Variants in CDH12 observed in about 807,000 individuals in gnomAD.
CDH12 encodes cadherin-12.
CDH12 carries 41 observed loss-of-function variants against 74.1 expected under a neutral mutation model. That is an observed-to-expected ratio of 0.55 (90% CI 0.43 to 0.72). The LOEUF (loss-of-function observed/expected upper bound fraction) is 0.72, where lower values mean the gene tolerates loss of function less well. Among genes scored for constraint, CDH12 ranks in the 30% least tolerant of loss-of-function variants. The probability of loss-of-function intolerance (pLI) is 0.00; values close to 1 mark genes in which losing one functional copy is unlikely to be tolerated. For synonymous variants in CDH12, 399 were observed against 355.0 expected (o/e 1.12, Z -1.39); for missense variants, 945 against 977.2 (o/e 0.97, Z 0.44).
At chr5:22,111,406 G>T (rs1404894642) in intron 4 of CDH12, among the ~76,000 whole-genome samples, 1 of 152,150 alleles carries the variant, frequency 6.6e-6, no homozygotes, top group East Asian at 1.9e-4. Context: ...TTTTCCCTGA[G>T]ACCAACCCTT....
intron 3 of CDH12, among the ~76,000 whole-genome samples, chr5:22,297,516 A>G (rs1036981660): frequency 2.6e-5 from 4 of 152,128 alleles, no homozygotes; most frequent in Non-Finnish European, 2.9e-5. Flanking sequence ...ACATGCATTT[A>G]TTTCACACTC....
intron 3 of CDH12, among the ~76,000 whole-genome samples, chr5:22,267,997 A>C (rs1308989555): frequency 1.3e-5 from 2 of 152,162 alleles, no homozygotes; most frequent in Non-Finnish European, 1.5e-5. Context: ...CTTACATAAG[A>C]TCAATTCAGC....
At chr5:22,265,311 AAC>A (rs1356625575) in intron 3 of CDH12, among the ~76,000 whole-genome samples, 1 of 152,306 alleles carries the variant, frequency 6.6e-6, no homozygotes, top group South Asian at 2.1e-4. Flanking sequence ...TTATAACACG[AAC>A]ACTTTCCCTT....
chr5:22,454,690 G>A (rs1387675703), intron 2 of CDH12, among the ~76,000 whole-genome samples: 1 of 152,122 alleles, frequency 6.6e-6, no homozygotes, highest in Non-Finnish European at 1.5e-5. Flanking sequence ...GGCCAGGCTA[G>A]TCTCGAACTC....
rs554186648 is a variant in CDH12 at position 22,423,887 on chromosome 5, C to A, written c.-427-18536G>T. On this transcript the variant is annotated intron_variant, in intron 2 of 14. Transcript: ENST00000382254. ...GCGTGTTGGCGGGCGCCTGTAGTCC[C>A]GGCTACTTGGGTGGCTGAGGCAGGA... Among the ~76,000 whole-genome samples the A allele has an allele frequency of 3.3e-5, 5 of 150,722 alleles. No homozygotes were observed. The South Asian group carries it at 1.1e-3, about 32-fold the overall frequency.
intron 2 of CDH12, among the ~76,000 whole-genome samples, chr5:22,491,981 G>A (rs1245611467): frequency 6.6e-6 from 1 of 152,032 alleles, no homozygotes; most frequent in East Asian, 1.9e-4. Context: ...TCACTATAAC[G>A]ACCTCATTTT....
intron 6 of CDH12, among the ~76,000 whole-genome samples, chr5:21,888,597 A>T (rs929980910): frequency 1.6e-4 from 2 of 12,834 alleles, no homozygotes; most frequent in African/African-American, 2.6e-4. Flanking sequence ...TAATAATAAT[A>T]AAAAAAAGAA....
At chr5:22,213,951 G>A (rs953350684) in intron 3 of CDH12, among the ~76,000 whole-genome samples, 1 of 151,886 alleles carries the variant, frequency 6.6e-6, no homozygotes, top group Non-Finnish European at 1.5e-5. Context: ...GCTTGCGTGT[G>A]TGTGTGAGAA....
intron 6 of CDH12, among the ~76,000 whole-genome samples, chr5:21,913,017 A>G (rs1401680152): frequency 6.6e-6 from 1 of 152,040 alleles, no homozygotes; most frequent in African/African-American, 2.4e-5. Flanking sequence ...TAATTTTTGT[A>G]TTTTTAGTAG....
At chr5:21,995,162 C>T (rs1365141526) in intron 5 of CDH12, among the ~76,000 whole-genome samples, 1 of 152,016 alleles carries the variant, frequency 6.6e-6, no homozygotes, top group Non-Finnish European at 1.5e-5. Flanking sequence ...AGAACTGGAA[C>T]ACTCACCGCG....
chr5:22,058,711 AAG>A (rs762306661), intron 5 of CDH12, among the ~76,000 whole-genome samples: 1 of 148,362 alleles, frequency 6.7e-6, no homozygotes, highest in Non-Finnish European at 1.5e-5. Flanking sequence ...AAGAAAGAAA[AAG>A]AAAGAAAGAA....
chr5:22,099,635 C>T (rs1744020359), intron 4 of CDH12, among the ~76,000 whole-genome samples: 1 of 152,126 alleles, frequency 6.6e-6, no homozygotes, highest in African/African-American at 2.4e-5. Context: ...CTCATAAATG[C>T]CCTGCTCTTG....
At chr5:22,644,253 G>A (rs7726698) in intron 1 of CDH12, among the ~76,000 whole-genome samples, 23,233 of 152,044 alleles carry the variant, frequency 0.15, 2,257 homozygotes, top group Admixed American at 0.33. Flanking sequence ...TAGGACCCTC[G>A]CAATAACAGT....
chr5:21,887,278 A>T (rs148738284), intron 6 of CDH12, among the ~76,000 whole-genome samples: 2 of 152,044 alleles, frequency 1.3e-5, no homozygotes, highest in African/African-American at 4.8e-5. Context: ...ACTATTTTGT[A>T]TGATTGATAA....
rs190422418 is a variant in CDH12, at chr5:22,478,836, C to T, written c.-428+26434G>A. 1.5e-3 allele frequency among the ~76,000 whole-genome samples: 229 copies of T among 152,242 alleles called. 2 individuals carry two copies. The highest frequency in any genetic ancestry group is 3.5e-4 in the Non-Finnish European group (24 of 68,018). On this transcript the variant is annotated intron_variant, in intron 2 of 14. Coordinates refer to ENST00000382254, the MANE Select transcript of CDH12 (RefSeq NM_004061.5). ...TGTTTGCCTTTCCTAAAAATGCTAA[C>T]AGACTGATGCTATCATTTAGATAAT...
At chr5:22,657,403 CTT>C (rs966411896) in intron 1 of CDH12, among the ~76,000 whole-genome samples, 7 of 152,086 alleles carry the variant, frequency 4.6e-5, no homozygotes, top group African/African-American at 1.4e-4. Context: ...ATAAATTAAA[CTT>C]TGATAATATT....
intron 2 of CDH12, among the ~76,000 whole-genome samples, chr5:22,417,477 C>A (rs1743447550): frequency 6.6e-6 from 1 of 152,202 alleles, no homozygotes; most frequent in African/African-American, 2.4e-5. Flanking sequence ...ACATTTCCGC[C>A]TTTCACTATG....
At position 21,880,366 on chromosome 5, in the gene CDH12, G is replaced by C. The variant is rs532950752; in HGVS notation, c.527-25576C>G. On this transcript the variant is annotated intron_variant, in intron 6 of 14. Transcript: ENST00000382254. ...TTATGTCTTTCTTCTAGACTGTGAC[G>C]TTAGGGCACTAAGTTCTTGTCTGTA... Among the ~76,000 whole-genome samples, 11 of 152,258 alleles carry C rather than the reference G, an allele frequency of 7.2e-5. No homozygotes were observed. The South Asian group carries it at 2.1e-3, about 29-fold the overall frequency.
chr5:22,499,411 G>T (rs1302504592), intron 2 of CDH12, among the ~76,000 whole-genome samples: 2 of 152,106 alleles, frequency 1.3e-5, no homozygotes, highest in Non-Finnish European at 2.9e-5. Flanking sequence ...GAAAAGTCTA[G>T]CTGGGTACCT....
Sources: gnomAD v4.1 joint callset for allele counts (sites outside exome capture counted in the v4.1 genomes callset) on GRCh38, gnomAD v4.1.1 for gene constraint, MANE v1.5 for transcripts, NCBI Gene and HGNC (gene_info 2026-07-23, HGNC 2026-07-21) for gene names.